ROCK2: variants seen among roughly 807,000 people sequenced by gnomAD.
The protein encoded by ROCK2 is Rho associated coiled-coil containing protein kinase 2, also known as rho-associated protein kinase 2.
In ROCK2, 61 loss-of-function variants were observed where a neutral mutation model predicts 195.1. The ratio of observed to expected loss-of-function variants is 0.31; its 90% confidence interval spans 0.25 to 0.39. The LOEUF (loss-of-function observed/expected upper bound fraction) is 0.39, where lower values mean the gene tolerates loss of function less well. Among genes scored for constraint, ROCK2 ranks in the 10% least tolerant of loss-of-function variants. The pLI is 1.00. For synonymous variants in ROCK2, 504 were observed against 545.5 expected (o/e 0.92, Z 1.06); for missense variants, 1,109 against 1,637.4 (o/e 0.68, Z 5.57).
chr2:11,223,908 G>C (rs1016403990), intron 7 of ROCK2, among the ~76,000 whole-genome samples: 1 of 152,074 alleles, frequency 6.6e-6, no homozygotes, highest in Non-Finnish European at 1.5e-5. Context: ...TGGGAAGGAA[G>C]CACTCCCAAG....
Position 11,207,961 on chromosome 2 carries a change from C to T in ROCK2, c.2365-51G>A, listed in dbSNP as rs765909802. 3 of 1,303,076 alleles carry T rather than the reference C, an allele frequency of 2.3e-6. No individual in the cohort carries two copies. The African/African-American group carries it at 4.5e-5, about 20-fold the overall frequency. The allele number at this position is 1,303,076 out of a possible 1,614,324, so 80.7% of individuals were successfully genotyped here. A position where few individuals can be genotyped will look rare whatever the true frequency, so the allele number is the denominator to read the frequency against. ...ATATAAGTAAATTATTTCCATTTTT[C>T]TAATCAATGAAGTTGGTATAAAATA... On this transcript the variant is annotated intron_variant, in intron 19 of 32. Transcript: ENST00000315872.
chr2:11,330,139 T>C (rs1168197671), intron 1 of ROCK2, among the ~76,000 whole-genome samples: 1 of 152,224 alleles, frequency 6.6e-6, no homozygotes, highest in African/African-American at 2.4e-5. Context: ...AACACTCTTC[T>C]AAAAATAACT....
At chr2:11,291,110 A>G (rs1215481800) in intron 1 of ROCK2, among the ~76,000 whole-genome samples, 2 of 152,220 alleles carry the variant, frequency 1.3e-5, no homozygotes, top group African/African-American at 4.8e-5. Context: ...TTCCCCTACT[A>G]TAATTATTAT....
chr2:11,287,464 G>A (rs1309129411), intron 2 of ROCK2, among the ~76,000 whole-genome samples, 191 bp downstream of exon 2: 1 of 152,102 alleles, frequency 6.6e-6, no homozygotes, highest in African/African-American at 2.4e-5. Flanking sequence ...TTTGCATATT[G>A]TAATTCGGTT....
At chr2:11,232,899 T>C (rs1042646116) in intron 5 of ROCK2, among the ~76,000 whole-genome samples, 1 of 151,750 alleles carries the variant, frequency 6.6e-6, no homozygotes, top group Non-Finnish European at 1.5e-5. Context: ...TGAAGAGAGG[T>C]TTGTCATCAT....
In ROCK2 at chr2:11,221,292, C is replaced by T. The variant is rs770727992; in HGVS notation, c.1165G>A (p.Asp389Asn). The T allele has an allele frequency of 1.3e-6, 2 of 1,592,510 alleles. No individual in the cohort carries two copies. The highest frequency in any genetic ancestry group is 1.7e-6 in the Non-Finnish European group (2 of 1,171,906). Residue 389 changes from aspartate (D) to asparagine (N), a missense_variant, in exon 9 of 33, where the codon GAT (aspartate) becomes AAT (asparagine). By Grantham distance (23) the Asp-to-Asn change is conservative. This residue lies in a region of ROCK2 where 253 missense variants were observed against 455.5 expected (regional missense o/e 0.56). Transcript: ENST00000315872. ...AAGGTTTCTACATCTCCTTTGTCAT[C>T]TTCAATGTCATCGAAATTGCTGCTG... ...IDSSNFDDIEDDKGDVETFPI... is the reference protein window; with the variant it reads ...IDSSNFDDIENDKGDVETFPI...
intron 3 of ROCK2, among the ~76,000 whole-genome samples, chr2:11,281,917 C>T (rs999883292): frequency 1.6e-4 from 24 of 152,052 alleles, no homozygotes; most frequent in African/African-American, 5.6e-4. Context: ...GTCAAGATAC[C>T]GGTTCTTCAA....
rs866972253 is a variant in ROCK2, at chr2:11,344,436, C to T, written c.-300G>A. The T allele has an allele frequency of 1.4e-5, 15 of 1,044,498 alleles. 1 individual carries two copies. In the South Asian group the frequency reaches 6.4e-4, roughly 45 times the overall value. The allele number at this position is 1,044,498 out of a possible 1,614,324, so 64.7% of individuals were successfully genotyped here. A position where few individuals can be genotyped will look rare whatever the true frequency, so the allele number is the denominator to read the frequency against. On this transcript the variant is annotated 5_prime_UTR_variant, in exon 1 of 33. Transcript: ENST00000315872. The surrounding 1 kb of genome is among the most constrained non-coding windows in gnomAD (Gnocchi z 5.4). ...TCCGCTGGTCCTCAGCGAGTGCCCG[C>T]AGGAGTCCTCGGGCGGGAGCAGGGA...
intron 9 of ROCK2, among the ~76,000 whole-genome samples, chr2:11,220,314 G>T (rs1312607268): frequency 6.6e-6 from 1 of 151,910 alleles, no homozygotes; most frequent in African/African-American, 2.4e-5. Flanking sequence ...ACCGTACCCG[G>T]CTTTTTTTTT....
At chr2:11,334,489 C>T (rs1380079145) in intron 1 of ROCK2, among the ~76,000 whole-genome samples, 5 of 120,608 alleles carry the variant, frequency 4.1e-5, no homozygotes, top group Non-Finnish European at 6.4e-5. Context: ...CCAGGCTGGG[C>T]GACAGAGAGA....
At position 11,218,574 on chromosome 2, in the gene ROCK2, GCTTTCATAAGTT is replaced by G. The variant is rs1399479593; in HGVS notation, c.1321-120_1321-109del. On this transcript the variant is annotated intron_variant, in intron 10 of 32. Transcript: ENST00000315872. ...CAAAATTATCCAACCTAATGCTTTA[GCTTTCATAAGTT>G]TGAAGAAAAAATGTTTAGCATCATC... 14 of 719,728 alleles carry G rather than the reference GCTTTCATAAGTT, an allele frequency of 1.9e-5. No individual in the cohort carries two copies. The Admixed American group carries it at 1.9e-4, about 10-fold the overall frequency. The allele number at this position is 719,728 out of a possible 1,614,324, so 44.6% of individuals were successfully genotyped here.
At chr2:11,270,183 T>C (rs1249371854) in intron 3 of ROCK2, among the ~76,000 whole-genome samples, 6 of 152,170 alleles carry the variant, frequency 3.9e-5, no homozygotes, top group African/African-American at 1.2e-4. Flanking sequence ...TCCACTCTTT[T>C]TGCTTGCATG....
chr2:11,310,717 G>A (rs1206755043), intron 1 of ROCK2, among the ~76,000 whole-genome samples: 1 of 151,634 alleles, frequency 6.6e-6, no homozygotes, highest in African/African-American at 2.4e-5. Flanking sequence ...AAAAATAAAA[G>A]CTCAATTGAA....
In ROCK2 at chr2:11,217,021, C is replaced by T. The variant is rs191888923; in HGVS notation, c.1412+69G>A. 1.7e-3 allele frequency: 1,370 copies of T among 804,538 alleles called. 10 individuals carry two copies. In the African/African-American group the frequency reaches 0.021, roughly 12 times the overall value. The allele number at this position is 804,538 out of a possible 1,614,324, so 49.8% of individuals were successfully genotyped here. A position where few individuals can be genotyped will look rare whatever the true frequency, so the allele number is the denominator to read the frequency against. ...ACAGGTGTGAGCCACCACACCTGGC[C>T]GCTCTTTTTTCAGTAAATGTTTAAA... On this transcript the variant is annotated intron_variant, in intron 12 of 32. Transcript: ENST00000315872.
intron 3 of ROCK2, among the ~76,000 whole-genome samples, chr2:11,286,029 G>C (rs547001081): frequency 6.6e-6 from 1 of 151,234 alleles, no homozygotes; most frequent in East Asian, 2.0e-4. Context: ...TAATAGAGGA[G>C]TTTCATATAC....
At chr2:11,230,281 GT>G (rs1370593650) in intron 5 of ROCK2, among the ~76,000 whole-genome samples, 1 of 152,028 alleles carries the variant, frequency 6.6e-6, no homozygotes, top group Non-Finnish European at 1.5e-5. Flanking sequence ...CTTGAACATT[GT>G]ATAGTGTCAA....
chr2:11,328,665 C>A (rs1668621430), intron 1 of ROCK2, among the ~76,000 whole-genome samples: 1 of 152,096 alleles, frequency 6.6e-6, no homozygotes, highest in South Asian at 2.1e-4. Flanking sequence ...TTGGAACCAA[C>A]CCAAATGTCC....
intron 3 of ROCK2, among the ~76,000 whole-genome samples, chr2:11,273,442 G>GT (rs915058075): frequency 3.9e-5 from 6 of 152,216 alleles, no homozygotes; most frequent in Middle Eastern, 3.4e-3. Context: ...TTTCAACACA[G>GT]TAAGAAGACA....
Position 11,201,914 on chromosome 2 carries a change from G to T in ROCK2, c.2619+138C>A. 1 of 626,542 alleles carries T rather than the reference G, an allele frequency of 1.6e-6. No individual in the cohort carries two copies. Among genetic ancestry groups the T allele is most frequent in the South Asian group, 2.2e-5 (1 of 45,420 alleles). The allele number at this position is 626,542 out of a possible 1,614,324, so 38.8% of individuals were successfully genotyped here. A position where few individuals can be genotyped will look rare whatever the true frequency, so the allele number is the denominator to read the frequency against. On this transcript the variant is annotated intron_variant, in intron 21 of 32. Transcript: ENST00000315872. This position sits in a 1 kb window ranked among gnomAD's most constrained non-coding sequence, Gnocchi z 4.6. ...TTTTGTGCTTAGAATTATTTTTCTA[G>T]CAATGATAATAAATTTCTCTTAAAC...
Sources: allele counts gnomAD v4.1 joint callset (sites outside exome capture counted in the v4.1 genomes callset), GRCh38; gene constraint gnomAD v4.1.1; regional missense constraint gnomAD v4.1.1; non-coding constraint Gnocchi (gnomAD v3.1); transcripts MANE v1.5; gene names NCBI Gene and HGNC (gene_info 2026-07-23, HGNC 2026-07-21).